The following NCOA6 variants were observed in gnomAD, a reference collection of about 807,000 sequenced individuals.
NCOA6 encodes NRC RAP250.
NCOA6 carries 49 observed loss-of-function variants against 171.4 expected under a neutral mutation model. That is an observed-to-expected ratio of 0.29 (90% CI 0.23 to 0.36). The LOEUF (loss-of-function observed/expected upper bound fraction) is 0.36. Among genes scored for constraint, NCOA6 ranks in the 10% least tolerant of loss-of-function variants. The pLI is 1.00. For missense variants in NCOA6, 2,248 were observed against 2,554.5 expected, an observed-to-expected ratio of 0.88 and a Z score of 2.59; for synonymous variants, 910 against 927.5, an observed-to-expected ratio of 0.98 and a Z score of 0.34.
intron 14 of NCOA6, among the ~76,000 whole-genome samples, chr20:34,720,573 T>C (rs976902341): frequency 1.3e-4 from 20 of 152,356 alleles, no homozygotes; most frequent in Admixed American, 5.9e-4. Context: ...GCTCATAGTG[T>C]TTCTCAGCTT....
At chr20:34,797,103 G>A (rs377605764) in intron 1 of NCOA6, among the ~76,000 whole-genome samples, 2 of 151,914 alleles carry the variant, frequency 1.3e-5, no homozygotes, top group East Asian at 1.9e-4. Context: ...ATTTCCCCAC[G>A]AGTCATTTGA....
chr20:34,812,691 A>G (rs967990583), intron 1 of NCOA6, among the ~76,000 whole-genome samples: 4 of 152,136 alleles, frequency 2.6e-5, no homozygotes, highest in Non-Finnish European at 4.4e-5. Context: ...GAGAAAAAAA[A>G]TTACAAATGA....
intron 12 of NCOA6, among the ~76,000 whole-genome samples, chr20:34,733,509 A>T (rs1194806268): frequency 6.6e-6 from 1 of 152,198 alleles, no homozygotes; most frequent in African/African-American, 2.4e-5. Flanking sequence ...ATTATCTGAC[A>T]TCTCTGTGCT....
chr20:34,824,341 T>C (rs1037514390), intron 1 of NCOA6, among the ~76,000 whole-genome samples: 4 of 152,256 alleles, frequency 2.6e-5, no homozygotes, highest in Admixed American at 6.5e-5. Context: ...TTGTAAGATC[T>C]TGAAAAGTCA....
intron 11 of NCOA6, among the ~76,000 whole-genome samples, chr20:34,737,357 A>T: frequency 6.6e-6 from 1 of 151,626 alleles, no homozygotes; most frequent in Non-Finnish European, 1.5e-5. Flanking sequence ...GCACTGTGCC[A>T]GGTACCCTGA....
rs1369428119 is a variant in NCOA6, at chr20:34,741,149, G to A, written c.5107C>T (p.Pro1703Ser). The A allele has an allele frequency of 6.2e-7, 1 of 1,614,228 alleles. No homozygotes were observed. Among genetic ancestry groups the A allele is most frequent in the Admixed American group, 1.7e-5 (1 of 60,030 alleles). ...SVAVVGPLHI[P>S]QNIKFSSAPV... Reference sequence around the variant, plus strand: ...GCAGAAGAAAATTTTATGTTCTGAGGTATGTGTAAAGGGCCAACAACTGCA... The same window carrying A: ...GCAGAAGAAAATTTTATGTTCTGAGATATGTGTAAAGGGCCAACAACTGCA... The change falls in exon 11 of 15, where the codon CCT (proline) becomes TCT (serine). Residue 1703 changes from proline to serine, a missense_variant. Physicochemically the swap from Pro to Ser is moderately conservative, Grantham distance 74. This residue lies in a region of NCOA6 where 884 missense variants were observed against 941.9 expected (regional missense o/e 0.94). Transcript: ENST00000359003.
rs2076313908 is a variant in NCOA6 at position 34,746,723 on chromosome 20, A to C, written c.2914+84T>G. On this transcript the variant is annotated intron_variant, in intron 10 of 14. Coordinates refer to ENST00000359003, the MANE Select transcript of NCOA6 (RefSeq NM_014071.5). The stretch of plus-strand genomic sequence containing the variant: ...GACTAGTTAGCAGATAAAATAAAAT[A>C]CTATTGTTTCCTTGAAGACATGGAA... 4 of 1,404,372 alleles carry C rather than the reference A, an allele frequency of 2.8e-6. No homozygotes were observed. The South Asian group carries it at 6.4e-5, about 22-fold the overall frequency. 87.0% of individuals were successfully genotyped at this position (1,404,372 alleles called of 1,614,324 possible).
Position 34,741,330 on chromosome 20 carries a change from C to G in NCOA6, c.4926G>C (p.Glu1642Asp), listed in dbSNP as rs774785996. ...CATTAGACTGAGCAGCTGACTGTCC[C>G]TCAGAAACCATAACCTTGCTACCCG... ...PNAGSKVMVS[E>D]GQSAAQSNAR... The change falls in exon 11 of 15, where the codon GAG becomes GAC. Residue 1642 changes from glutamate to aspartate, a missense_variant. Coordinates refer to ENST00000359003, the MANE Select transcript of NCOA6 (RefSeq NM_014071.5). The G allele has an allele frequency of 1.2e-6, 2 of 1,614,190 alleles. No homozygotes were observed. The highest frequency in any genetic ancestry group is 1.7e-6 in the Non-Finnish European group (2 of 1,180,034).
chr20:34,771,671 T>C (rs530321756), intron 4 of NCOA6, among the ~76,000 whole-genome samples: 62 of 152,172 alleles, frequency 4.1e-4, no homozygotes, highest in Non-Finnish European at 8.1e-4. Flanking sequence ...TCAGCCCCAG[T>C]GTTTCCTTTT....
At chr20:34,721,238 C>CGA (rs1989280968) in intron 14 of NCOA6, among the ~76,000 whole-genome samples, 1 of 66,042 alleles carries the variant, frequency 1.5e-5, no homozygotes, top group African/African-American at 6.4e-5. Context: ...TTCCTCTATA[C>CGA]AAAAAAAAAA....
At chr20:34,783,999 AATT>A (rs1601012331) in intron 2 of NCOA6, among the ~76,000 whole-genome samples, 2 of 152,096 alleles carry the variant, frequency 1.3e-5, no homozygotes, top group African/African-American at 4.8e-5. Context: ...AAGTATTACG[AATT>A]ATTACTTTAT....
chr20:34,810,778 T>C (rs1163108307), intron 1 of NCOA6, among the ~76,000 whole-genome samples: 1 of 152,084 alleles, frequency 6.6e-6, no homozygotes, highest in African/African-American at 2.4e-5. Flanking sequence ...TCTCCTGACC[T>C]TGTGATCTGC....
At position 34,741,235 on chromosome 20, in the gene NCOA6, T is replaced by C. The variant is rs752378178; in HGVS notation, c.5021A>G (p.Gln1674Arg). 11 of 1,614,272 alleles carry C rather than the reference T, an allele frequency of 6.8e-6. 1 individual carries two copies. The highest frequency in any genetic ancestry group is 8.5e-6 in the Non-Finnish European group (10 of 1,180,046). Residue 1674 changes from glutamine (Q) to arginine (R), a missense_variant, in exon 11 of 15, where the codon CAG (glutamine) becomes CGG (arginine). Physicochemically the swap from Gln to Arg is conservative, Grantham distance 43. Around this residue, in one of 7 missense-constraint regions of NCOA6, gnomAD observed 884 missense variants for 941.9 expected, o/e 0.94. Coordinates refer to ENST00000359003, the MANE Select transcript of NCOA6 (RefSeq NM_014071.5). ...TGGGGCTGCAGGAATTGTGCTTGGC[T>C]GTGATCCTTTCATAACCTGAATTAT... The part of the protein sequence containing the change: ...SSIIQVMKGS[Q>R]PSTIPAAPLT...
intron 4 of NCOA6, among the ~76,000 whole-genome samples, chr20:34,774,414 A>G (rs1409929580): frequency 6.6e-6 from 1 of 152,248 alleles, no homozygotes; most frequent in Non-Finnish European, 1.5e-5. Flanking sequence ...TTAAGCCACT[A>G]TTCTCTCATT....
intron 1 of NCOA6, chr20:34,809,501 C>G: frequency 2.5e-6 from 1 of 398,488 alleles, no homozygotes; most frequent in Non-Finnish European, 4.4e-6. Flanking sequence ...TCAGTGGGAC[C>G]CCTCTCCATT....
intron 3 of NCOA6, among the ~76,000 whole-genome samples, chr20:34,778,147 C>T (rs952371254): frequency 3.3e-5 from 5 of 152,160 alleles, no homozygotes; most frequent in African/African-American, 7.2e-5. Flanking sequence ...TCATGATCGC[C>T]CGCCTCGGCC....
chr20:34,758,994 G>A (rs1248134843), intron 5 of NCOA6, 61 bp from the exon 6 acceptor site: 6 of 1,488,566 alleles, frequency 4.0e-6, no homozygotes, highest in Non-Finnish European at 2.8e-6. Flanking sequence ...TTTTTAATGA[G>A]TTATTTCAAG....
chr20:34,746,961 T>G (rs2076325060), intron 9 of NCOA6, 33 bp from the exon 10 acceptor site: 11 of 1,469,614 alleles, frequency 7.5e-6, no homozygotes, highest in Non-Finnish European at 9.1e-6. Context: ...AAGTGACATA[T>G]TTTAGAATAA....
At chr20:34,736,548 C>A in intron 12 of NCOA6, 142 bp downstream of exon 12, 1 of 615,760 alleles carries the variant, frequency 1.6e-6, no homozygotes, top group Non-Finnish European at 2.6e-6. Flanking sequence ...CTTTGTCACT[C>A]AACCAAAGTC....
Sources: gnomAD v4.1 joint callset for allele counts (sites outside exome capture counted in the v4.1 genomes callset) on GRCh38, gnomAD v4.1.1 for gene constraint, gnomAD v4.1.1 regional missense constraint, MANE v1.5 for transcripts, NCBI Gene and HGNC (gene_info 2026-07-23, HGNC 2026-07-21) for gene names.